FAT2: variants seen among roughly 807,000 people sequenced by gnomAD.
FAT2 encodes the protein FAT atypical cadherin 2.
In FAT2, 150 loss-of-function variants were observed where a neutral mutation model predicts 295.3. That is an observed-to-expected ratio of 0.51 (90% CI 0.44 to 0.58). FAT2 has a LOEUF of 0.58. FAT2 is among the 20% of genes least tolerant of loss of function. The pLI is 0.00. For missense variants in FAT2, 4,868 were observed against 5,442.7 expected, an observed-to-expected ratio of 0.89 and a Z score of 3.32; for synonymous variants, 2,026 against 2,150.3, an observed-to-expected ratio of 0.94 and a Z score of 1.60.
Position 151,556,422 on chromosome 5 carries a change from G to A in FAT2, c.3575-20C>T. ...GGAGACCTGAGAGAGAGATGATAAG[G>A]GAGAGACATGAGCAGAAGACTTTCA... On this transcript the variant is annotated intron_variant, in intron 3 of 23. Transcript: ENST00000261800. The A allele has an allele frequency of 6.2e-7, 1 of 1,601,126 alleles. No homozygotes were observed. The highest frequency in any genetic ancestry group is 8.5e-7 in the Non-Finnish European group (1 of 1,170,662).
chr5:151,544,197 C>G lies in FAT2; in HGVS notation c.6930G>C (p.Gln2310His). The G allele has an allele frequency of 6.2e-7, 1 of 1,614,218 alleles. No individual in the cohort carries two copies. Among genetic ancestry groups the G allele is most frequent in the Non-Finnish European group, 8.5e-7 (1 of 1,180,036 alleles). ...DSGRNRDVSYQIVEDGSDVSK... is the reference protein window; with the variant it reads ...DSGRNRDVSYHIVEDGSDVSK... ...AAACATCTGAGCCATCCTCCACAAT[C>G]TGATAAGAGACGTCACGGTTCCGCC... The change falls in exon 10 of 24, where the codon CAG becomes CAC. Residue 2310 changes from glutamine (Q) to histidine (H), a missense_variant. By Grantham distance (24) the Gln-to-His change is conservative. This residue lies in a region of FAT2 where 3,297 missense variants were observed against 3,669.4 expected (regional missense o/e 0.90). Coordinates refer to ENST00000261800, the MANE Select transcript of FAT2 (RefSeq NM_001447.3).
intron 1 of FAT2, among the ~76,000 whole-genome samples, chr5:151,578,993 G>A (rs1021205332): frequency 3.9e-5 from 6 of 152,260 alleles, no homozygotes; most frequent in African/African-American, 1.4e-4. Context: ...GGTGAGGGTG[G>A]GGATTGGGAA....
chr5:151,525,583 G>A (rs1002124767), intron 18 of FAT2, among the ~76,000 whole-genome samples, 185 bp downstream of exon 18: 1 of 152,194 alleles, frequency 6.6e-6, no homozygotes, highest in Non-Finnish European at 1.5e-5. Context: ...TCTGTAAAGC[G>A]GGGTGGTAAC....
Position 151,505,941 on chromosome 5 carries a change from C to T in FAT2, c.12674G>A (p.Gly4225Asp). ...VMPEPNGLYG[G>D]FPFPLEMENK... ...TTCCATCTCCAGGGGGAAGGGGAAGCCCCCATAGAGGCCATTAGGCTCTGG... is the reference window on the plus strand; with the variant it reads ...TTCCATCTCCAGGGGGAAGGGGAAGTCCCCATAGAGGCCATTAGGCTCTGG... The change falls in exon 24 of 24, where the codon GGC (glycine) becomes GAC (aspartate). Residue 4225 changes from glycine (G) to aspartate (D), a missense_variant. Around this residue, in one of 5 missense-constraint regions of FAT2, gnomAD observed 492 missense variants for 482.6 expected, o/e 1.02. Coordinates refer to ENST00000261800, the MANE Select transcript of FAT2 (RefSeq NM_001447.3). The T allele has an allele frequency of 6.3e-7, 1 of 1,581,548 alleles. No individual in the cohort carries two copies. The highest frequency in any genetic ancestry group is 8.6e-7 in the Non-Finnish European group (1 of 1,166,790).
At chr5:151,539,917 G>A (rs1755928274) in intron 11 of FAT2, among the ~76,000 whole-genome samples, 1 of 152,192 alleles carries the variant, frequency 6.6e-6, no homozygotes, top group Non-Finnish European at 1.5e-5. Flanking sequence ...TTGTGTCTCT[G>A]TACAAGTGAA....
chr5:151,542,418 A>G lies in FAT2; in HGVS notation c.8709T>C (p.Ala2903=). The change falls in exon 10 of 24, where the codon GCT becomes GCC. Residue 2903 remains alanine (A), a synonymous_variant. Transcript: ENST00000261800. The stretch of plus-strand genomic sequence containing the variant: ...TGTACTCTTCAGAAGCAAATCGGGG[A>G]GCATTGTCATTCTCATCTGTAATGG... ...QVSITDENDN[A]PRFASEEYRG... 1 of 1,614,084 alleles carries G rather than the reference A, an allele frequency of 6.2e-7. No individual in the cohort carries two copies. Among genetic ancestry groups the G allele is most frequent in the Non-Finnish European group, 8.5e-7 (1 of 1,180,006 alleles).
Position 151,567,313 on chromosome 5 carries a change from G to T in FAT2, c.1619C>A (p.Ser540Tyr). The change falls in exon 2 of 24, where the codon TCC becomes TAC. Residue 540 changes from serine (S) to tyrosine (Y), a missense_variant. Around this residue, in one of 5 missense-constraint regions of FAT2, gnomAD observed 3,297 missense variants for 3,669.4 expected, o/e 0.90. Transcript: ENST00000261800. ...CACTTCCTTCTCCCGGCGAAAAGGG[G>T]ATCCCCAGTCTGATGCTCTTACCCG... ...TFRVRASDWG[S>Y]PFRREKEVSI... The T allele has an allele frequency of 3.7e-6, 6 of 1,614,152 alleles. No individual in the cohort carries two copies. Among genetic ancestry groups the T allele is most frequent in the Non-Finnish European group, 3.4e-6 (4 of 1,180,032 alleles).
chr5:151,514,429 C>T (rs145948492), intron 20 of FAT2, among the ~76,000 whole-genome samples: 1 of 152,320 alleles, frequency 6.6e-6, no homozygotes, highest in Non-Finnish European at 1.5e-5. Flanking sequence ...CTTGACCTAT[C>T]TCTTTCTTAC....
chr5:151,510,391 A>G, intron 21 of FAT2: 1 of 526,718 alleles, frequency 1.9e-6, no homozygotes, highest in South Asian at 2.4e-5. Flanking sequence ...ACCAGAGACA[A>G]CAGTCACCTA....
In FAT2 at chr5:151,531,668, T is replaced by A. The variant is rs2127591246; in HGVS notation, c.9730A>T (p.Thr3244Ser). ...GTEVLQLATL[T>S]RPGAEKTGYR... ...CCGGTCTTCTCTGCGCCCGGGCGAG[T>A]GAGGGTGGCCAGCTGCAGCACCTCC... Residue 3244 changes from threonine (T) to serine (S), a missense_variant, in exon 14 of 24, where the codon ACT (threonine) becomes TCT (serine). Transcript: ENST00000261800. This position sits in a 1 kb window ranked among gnomAD's most constrained non-coding sequence, Gnocchi z 5.7. 1 of 1,612,952 alleles carries A rather than the reference T, an allele frequency of 6.2e-7. No individual in the cohort carries two copies. Among genetic ancestry groups the A allele is most frequent in the Non-Finnish European group, 8.5e-7 (1 of 1,179,710 alleles).
At chr5:151,558,179 C>T (rs1355822603) in intron 3 of FAT2, among the ~76,000 whole-genome samples, 1 of 152,104 alleles carries the variant, frequency 6.6e-6, no homozygotes, top group Middle Eastern at 3.2e-3. Context: ...ACCTGAGTCA[C>T]GTTTTAAAAA....
chr5:151,591,084 G>A (rs66693652), intron 1 of FAT2, among the ~76,000 whole-genome samples, 81 bp downstream of exon 1: 29,904 of 152,194 alleles, frequency 0.2, 3,300 homozygotes, highest in Non-Finnish European at 0.26. Flanking sequence ...CCCAACTCCA[G>A]CCTGCTTTGG....
Position 151,521,733 on chromosome 5 carries a change from C to G in FAT2, c.10860G>C (p.Trp3620Cys). 6.2e-7 allele frequency: 1 copy of G among 1,614,016 alleles called. No homozygotes were observed. Among genetic ancestry groups the G allele is most frequent in the Non-Finnish European group, 8.5e-7 (1 of 1,180,014 alleles). ...GCTGCAGAGCCTCCTGCCCCACATGCCACACGTACACATGGACCCCAGCAG... is the reference window on the plus strand; with the variant it reads ...GCTGCAGAGCCTCCTGCCCCACATGGCACACGTACACATGGACCCCAGCAG... Reference protein sequence around the residue: ...TTTAGVHVYVWHVGQEALQQA... With the variant: ...TTTAGVHVYVCHVGQEALQQA... The change falls in exon 19 of 24, where the codon TGG (tryptophan) becomes TGC (cysteine). Residue 3620 changes from tryptophan to cysteine, a missense_variant. This residue lies in a region of FAT2 where 1,046 missense variants were observed against 1,210.1 expected (regional missense o/e 0.86). Transcript: ENST00000261800.
In FAT2 at chr5:151,505,523, C is replaced by T; in HGVS notation, c.*42G>A. The T allele has an allele frequency of 1.9e-6, 3 of 1,611,048 alleles. No homozygotes were observed. The highest frequency in any genetic ancestry group is 2.2e-5 in the East Asian group (1 of 44,834). The stretch of plus-strand genomic sequence containing the variant: ...GAGACAGGAAGAAATAAGCCAAGTC[C>T]AGTCCTTGGCCTCCCGCCTGCCTTG... On this transcript the variant is annotated 3_prime_UTR_variant, in exon 24 of 24. Transcript: ENST00000261800.
At chr5:151,583,260 G>T (rs557071039) in intron 1 of FAT2, among the ~76,000 whole-genome samples, 1 of 152,252 alleles carries the variant, frequency 6.6e-6, no homozygotes, top group Admixed American at 6.5e-5. Context: ...ATTCAAAGCA[G>T]CACTAGTTAT....
intron 15 of FAT2, among the ~76,000 whole-genome samples, 158 bp from the exon 16 acceptor site, chr5:151,528,291 C>T (rs1754235568): frequency 6.6e-6 from 1 of 152,166 alleles, no homozygotes; most frequent in Admixed American, 6.5e-5. Flanking sequence ...CACTTACATC[C>T]TCGTGTGGAC....
chr5:151,569,592 G>A (rs541279885), intron 1 of FAT2, among the ~76,000 whole-genome samples: 2 of 152,270 alleles, frequency 1.3e-5, no homozygotes, highest in African/African-American at 2.4e-5. Context: ...GAGAAACCCC[G>A]TGGCTGAAGA....
chr5:151,563,400 T>C lies in FAT2; in HGVS notation c.3499A>G (p.Ser1167Gly), dbSNP rs1490036329. The C allele has an allele frequency of 6.2e-7, 1 of 1,614,092 alleles. No individual in the cohort carries two copies. The highest frequency in any genetic ancestry group is 8.5e-7 in the Non-Finnish European group (1 of 1,180,040). The change falls in exon 3 of 24, where the codon AGC (serine) becomes GGC (glycine). Residue 1167 changes from serine to glycine, a missense_variant. Physicochemically the swap from Ser to Gly is moderately conservative, Grantham distance 56. Transcript: ENST00000261800. ...TTGAAGGTCAGCTTCCCTTTGGAGC[T>C]GGAGTCTGGGTCCCAGGCATCCAGT... The part of the protein sequence containing the change: ...LQLDAWDPDS[S>G]SKGKLTFNIT...
intron 12 of FAT2, among the ~76,000 whole-genome samples, chr5:151,536,649 C>T (rs1433715964): frequency 6.6e-6 from 1 of 152,234 alleles, no homozygotes; most frequent in Non-Finnish European, 1.5e-5. Flanking sequence ...CCACTCTGCT[C>T]TATCTCTTGG....
Sources: gnomAD v4.1 joint callset for allele counts (sites outside exome capture counted in the v4.1 genomes callset) on GRCh38, gnomAD v4.1.1 for gene constraint, gnomAD v4.1.1 regional missense constraint, Gnocchi (gnomAD v3.1) non-coding constraint, MANE v1.5 for transcripts, NCBI Gene and HGNC (gene_info 2026-07-23, HGNC 2026-07-21) for gene names.